CCDC178: variants seen among roughly 807,000 people sequenced by gnomAD.
CCDC178 encodes the protein coiled-coil domain containing 178.
In CCDC178, 126 loss-of-function variants were observed where a neutral mutation model predicts 117.4. The observed-to-expected ratio is 1.07, with a 90% CI of 0.93 to 1.24. CCDC178 has a LOEUF of 1.24. CCDC178 is among the 50% of genes most tolerant of loss of function. CCDC178 has a pLI of 0.00. For missense variants in CCDC178, 1,030 were observed against 986.9 expected (o/e 1.04, Z -0.59); for synonymous variants, 283 against 313.4 (o/e 0.90, Z 1.02).
intron 21 of CCDC178, among the ~76,000 whole-genome samples, chr18:32,994,935 A>C (rs772474426): frequency 6.6e-6 from 1 of 152,216 alleles, no homozygotes; most frequent in Non-Finnish European, 1.5e-5. Context: ...GTTTCATACC[A>C]ATAGGAAACA....
At chr18:33,180,802 T>A (rs1209392842) in intron 20 of CCDC178, among the ~76,000 whole-genome samples, 1 of 152,066 alleles carries the variant, frequency 6.6e-6, no homozygotes, top group Non-Finnish European at 1.5e-5. Flanking sequence ...AATAAAAACT[T>A]TAATGTATTG....
intron 21 of CCDC178, 131 bp downstream of exon 21, chr18:33,092,630 C>T (rs271473): frequency 2.1e-4 from 112 of 530,972 alleles, no homozygotes; most frequent in Non-Finnish European, 3.3e-4. Flanking sequence ...TACAACAAAA[C>T]TACACAGAGA....
chr18:33,223,605 A>T (rs977203909), intron 17 of CCDC178, among the ~76,000 whole-genome samples: 27 of 152,132 alleles, frequency 1.8e-4, no homozygotes, highest in Admixed American at 1.6e-3. Context: ...TAATTCTTAT[A>T]ATTTATTAAC....
chr18:33,009,147 C>T (rs1190803666), intron 21 of CCDC178, among the ~76,000 whole-genome samples: 1 of 152,070 alleles, frequency 6.6e-6, no homozygotes, highest in African/African-American at 2.4e-5. Context: ...CCACTTTTCA[C>T]TACTGCCATG....
At chr18:33,287,839 G>C (rs2060118470) in intron 12 of CCDC178, among the ~76,000 whole-genome samples, 1 of 152,002 alleles carries the variant, frequency 6.6e-6, no homozygotes, top group African/African-American at 2.4e-5. Flanking sequence ...TCAAATTGAG[G>C]AGGGCCAGCG....
chr18:33,279,276 T>G (rs2059991814), intron 12 of CCDC178, among the ~76,000 whole-genome samples: 1 of 152,146 alleles, frequency 6.6e-6, no homozygotes, highest in Non-Finnish European at 1.5e-5. Flanking sequence ...ACAAAATCAA[T>G]GTACAAAAAT....
At chr18:33,335,687 T>C (rs891287397) in intron 9 of CCDC178, among the ~76,000 whole-genome samples, 2 of 152,080 alleles carry the variant, frequency 1.3e-5, no homozygotes, top group Non-Finnish European at 2.9e-5. Flanking sequence ...TCTCATAGTT[T>C]TTCATTTGTA....
intron 21 of CCDC178, among the ~76,000 whole-genome samples, chr18:33,058,310 G>A (rs2056864474): frequency 6.6e-6 from 1 of 152,206 alleles, no homozygotes; most frequent in Non-Finnish European, 1.5e-5. Context: ...TAGTATTACT[G>A]GGCAGTAAAA....
At chr18:33,191,878 TA>T (rs1270368303) in intron 20 of CCDC178, among the ~76,000 whole-genome samples, 3 of 152,170 alleles carry the variant, frequency 2.0e-5, no homozygotes, top group African/African-American at 7.2e-5. Flanking sequence ...GATGATATAT[TA>T]TCAACTCCAT....
At chr18:32,960,679 A>G (rs1398654662) in intron 22 of CCDC178, among the ~76,000 whole-genome samples, 1 of 151,970 alleles carries the variant, frequency 6.6e-6, no homozygotes, top group East Asian at 1.9e-4. Context: ...ACTCCTCTCT[A>G]CCCCAGCACT....
intron 18 of CCDC178, among the ~76,000 whole-genome samples, chr18:33,217,403 A>G (rs1286722614): frequency 6.6e-6 from 1 of 152,032 alleles, no homozygotes; most frequent in Non-Finnish European, 1.5e-5. Context: ...AGATCTTAAA[A>G]CAAATTCCTA....
chr18:33,016,115 C>T (rs947835526), intron 21 of CCDC178, among the ~76,000 whole-genome samples: 2 of 151,948 alleles, frequency 1.3e-5, no homozygotes, highest in Non-Finnish European at 2.9e-5. Flanking sequence ...CATAGTCAAA[C>T]TTCTGAAAGA....
At chr18:33,174,647 G>A (rs1598962564) in intron 20 of CCDC178, among the ~76,000 whole-genome samples, 1 of 152,038 alleles carries the variant, frequency 6.6e-6, no homozygotes, top group Non-Finnish European at 1.5e-5. Flanking sequence ...TTAAGAAGGA[G>A]GAGAGTAAAT....
chr18:33,350,286 G>A (rs150247867), intron 7 of CCDC178, among the ~76,000 whole-genome samples: 85 of 151,740 alleles, frequency 5.6e-4, no homozygotes, highest in African/African-American at 1.9e-3. Context: ...TTTTTTAATT[G>A]AGCCAAAGTC....
rs192375602 is a variant in CCDC178, at chr18:33,427,468, T to C, written c.-23+12494A>G. Reference sequence around the variant, plus strand: ...AAATATCATTGTTCCACATCTTTCCTATACACAGTTACAATAATTTCTTTT... The same window carrying C: ...AAATATCATTGTTCCACATCTTTCCCATACACAGTTACAATAATTTCTTTT... On this transcript the variant is annotated intron_variant, in intron 2 of 22. Coordinates refer to ENST00000383096, the MANE Select transcript of CCDC178 (RefSeq NM_001105528.4). Among the ~76,000 whole-genome samples the C allele has an allele frequency of 1.9e-3, 286 of 152,280 alleles. 2 individuals are homozygous for C. Among genetic ancestry groups the C allele is most frequent in the African/African-American group, 6.7e-3 (278 of 41,600 alleles).
At chr18:33,350,271 TC>T (rs1317127001) in intron 7 of CCDC178, among the ~76,000 whole-genome samples, 1 of 152,098 alleles carries the variant, frequency 6.6e-6, no homozygotes, top group Non-Finnish European at 1.5e-5. Context: ...TGCTAATTTT[TC>T]TATTTTTTTA....
At chr18:33,117,574 G>A (rs1598900455) in intron 20 of CCDC178, among the ~76,000 whole-genome samples, 1 of 152,000 alleles carries the variant, frequency 6.6e-6, no homozygotes, top group Non-Finnish European at 1.5e-5. Context: ...CTGTCGTGGG[G>A]TGGGGGGAGC....
At chr18:33,083,714 A>C (rs2057333677) in intron 21 of CCDC178, among the ~76,000 whole-genome samples, 1 of 152,260 alleles carries the variant, frequency 6.6e-6, no homozygotes, top group African/African-American at 2.4e-5. Flanking sequence ...GTAGCACTCC[A>C]TGTGGTAAAA....
In CCDC178 at chr18:33,024,544, G is replaced by C. The variant is rs186298515; in HGVS notation, c.2389-49863C>G. Among the ~76,000 whole-genome samples, 928 of 152,032 alleles carry C rather than the reference G, an allele frequency of 6.1e-3. 10 individuals carry two copies. Among genetic ancestry groups the C allele is most frequent in the Middle Eastern group, 0.017 (5 of 294 alleles). ...ACCTCCAAATATACTCTCATTCTGA[G>C]GTACCAGCTGTTAGAACTTCAACAA... On this transcript the variant is annotated intron_variant, in intron 21 of 22. Transcript: ENST00000383096.
Sources: gnomAD v4.1 joint callset for allele counts (sites outside exome capture counted in the v4.1 genomes callset) on GRCh38, gnomAD v4.1.1 for gene constraint, MANE v1.5 for transcripts, NCBI Gene and HGNC (gene_info 2026-07-23, HGNC 2026-07-21) for gene names.